DCC: variants seen among roughly 807,000 people sequenced by gnomAD.
DCC encodes the protein DCC netrin 1 receptor.
DCC carries 58 observed loss-of-function variants against 172.5 expected under a neutral mutation model. The ratio of observed to expected loss-of-function variants is 0.34; its 90% CI spans 0.27 to 0.42. The LOEUF is 0.42. DCC is among the 10% of genes least tolerant of loss of function. The pLI, the probability that DCC is intolerant of heterozygous loss-of-function variation, is 1.00. For missense variants in DCC, 1,740 were observed against 1,791.0 expected, an observed-to-expected ratio of 0.97 and a Z score of 0.51; for synonymous variants, 709 against 644.5, an observed-to-expected ratio of 1.10 and a Z score of -1.52.
At chr18:53,364,299 T>A (rs560528861) in intron 15 of DCC, among the ~76,000 whole-genome samples, 48 of 152,304 alleles carry the variant, frequency 3.2e-4, no homozygotes, top group African/African-American at 1.1e-3. Context: ...AGGTAAAGTA[T>A]ATAAAAGAAC....
chr18:52,608,093 CCTT>C (rs1490792865), intron 1 of DCC, among the ~76,000 whole-genome samples: 1 of 152,028 alleles, frequency 6.6e-6, no homozygotes, highest in Admixed American at 6.6e-5. Context: ...GCTCTATCTC[CCTT>C]CTTTTCTTTC....
intron 1 of DCC, among the ~76,000 whole-genome samples, chr18:52,621,713 C>T (rs1044452696): frequency 3.3e-5 from 5 of 152,162 alleles, no homozygotes; most frequent in Non-Finnish European, 5.9e-5. Context: ...GCAATTGATT[C>T]CCATCTGGAC....
intron 21 of DCC, among the ~76,000 whole-genome samples, chr18:53,432,321 C>T (rs942970731): frequency 6.6e-6 from 1 of 152,096 alleles, no homozygotes; most frequent in Non-Finnish European, 1.5e-5. Context: ...CCTGTCATGG[C>T]AGGATCCATG....
intron 1 of DCC, chr18:52,409,101 G>A (rs912401983): frequency 2.0e-5 from 3 of 152,096 alleles, no homozygotes; most frequent in African/African-American, 7.2e-5. Flanking sequence ...AGGAAAGGAT[G>A]CCAAGGAAAA....
At chr18:53,389,832 C>A (rs915799433) in intron 16 of DCC, among the ~76,000 whole-genome samples, 2 of 152,156 alleles carry the variant, frequency 1.3e-5, no homozygotes, top group Non-Finnish European at 2.9e-5. Flanking sequence ...ATTTCCATTT[C>A]TTGAAGAAGA....
intron 1 of DCC, among the ~76,000 whole-genome samples, chr18:52,560,783 TG>T (rs2033018321): frequency 6.6e-6 from 1 of 152,208 alleles, no homozygotes; most frequent in African/African-American, 2.4e-5. Flanking sequence ...TTTATTTGGA[TG>T]TGAGAATGTG....
chr18:52,510,449 C>T (rs1190687005), intron 1 of DCC, among the ~76,000 whole-genome samples: 1 of 152,168 alleles, frequency 6.6e-6, no homozygotes, highest in South Asian at 2.1e-4. Context: ...CCTTGCCTAA[C>T]TTAACTGATG....
intron 11 of DCC, among the ~76,000 whole-genome samples, 154 bp from the exon 12 acceptor site, chr18:53,215,394 T>C (rs1173788567): frequency 1.3e-5 from 2 of 152,100 alleles, no homozygotes; most frequent in African/African-American, 2.4e-5. Flanking sequence ...ATTTTTCATC[T>C]CTCCAAAAAT....
intron 1 of DCC, among the ~76,000 whole-genome samples, chr18:52,610,227 A>ATATAT (rs2034245608): frequency 2.1e-5 from 2 of 96,188 alleles, no homozygotes; most frequent in African/African-American, 4.2e-5. Context: ...ATATATATAT[A>ATATAT]AAATTAGCCA....
At chr18:52,797,714 T>A (rs1270506348) in intron 2 of DCC, among the ~76,000 whole-genome samples, 1 of 152,184 alleles carries the variant, frequency 6.6e-6, no homozygotes, top group Non-Finnish European at 1.5e-5. Flanking sequence ...TAGGTTGAAC[T>A]TATACTCTGC....
At chr18:53,138,748 A>T (rs902410799) in intron 7 of DCC, among the ~76,000 whole-genome samples, 1 of 152,224 alleles carries the variant, frequency 6.6e-6, no homozygotes, top group Non-Finnish European at 1.5e-5. Flanking sequence ...GACACTAACA[A>T]TATACCCTTG....
chr18:52,862,179 A>G (rs2039154004), intron 2 of DCC, among the ~76,000 whole-genome samples: 1 of 152,162 alleles, frequency 6.6e-6, no homozygotes, highest in African/African-American at 2.4e-5. Flanking sequence ...TACCAGATAA[A>G]CCTCGTATGT....
intron 1 of DCC, among the ~76,000 whole-genome samples, chr18:52,749,841 A>G (rs2036967605): frequency 1.3e-5 from 2 of 152,238 alleles, no homozygotes; most frequent in African/African-American, 2.4e-5. Flanking sequence ...CAAAAAAGCA[A>G]TACATGCTTT....
At chr18:53,484,122 ACTT>A (rs1326085767) in intron 25 of DCC, among the ~76,000 whole-genome samples, 3 of 151,776 alleles carry the variant, frequency 2.0e-5, no homozygotes, top group Non-Finnish European at 1.5e-5. Context: ...TCACATTGTG[ACTT>A]CTTATTCTGT....
intron 1 of DCC, among the ~76,000 whole-genome samples, chr18:52,645,360 C>A (rs1468949102): frequency 2.6e-5 from 4 of 151,850 alleles, no homozygotes; most frequent in Non-Finnish European, 5.9e-5. Context: ...TTGACATAAA[C>A]CACCTAACTA....
chr18:53,356,601 C>A (rs1366455130), intron 15 of DCC, among the ~76,000 whole-genome samples: 1 of 152,054 alleles, frequency 6.6e-6, no homozygotes, highest in Admixed American at 6.6e-5. Flanking sequence ...TCCATCTGGC[C>A]GGATGGAGTC....
chr18:52,917,478 A>G (rs116617454), intron 3 of DCC, among the ~76,000 whole-genome samples: 1 of 152,204 alleles, frequency 6.6e-6, no homozygotes, highest in African/African-American at 2.4e-5. Flanking sequence ...CTGAGACCCA[A>G]CAGTTTGGGA....
In DCC at chr18:52,835,205, GGTT is replaced by G. The variant is rs554341861; in HGVS notation, c.413-70834_413-70832del. Among the ~76,000 whole-genome samples, 13 of 152,216 alleles carry G rather than the reference GGTT, an allele frequency of 8.5e-5. 1 individual carries two copies. In the South Asian group the frequency reaches 2.5e-3, roughly 29 times the overall value. On this transcript the variant is annotated intron_variant, in intron 2 of 28. Coordinates refer to ENST00000442544, the MANE Select transcript of DCC (RefSeq NM_005215.4). Reference sequence around the variant, plus strand: ...TGCCACGTATGGCCATGGATAAACTGGTTGTTGCCATAAATCCTGAAAGAAATT... The same window carrying G: ...TGCCACGTATGGCCATGGATAAACTGGTTGCCATAAATCCTGAAAGAAATT...
chr18:53,368,566 A>G (rs989162390), intron 15 of DCC, among the ~76,000 whole-genome samples: 1 of 152,052 alleles, frequency 6.6e-6, no homozygotes, highest in East Asian at 1.9e-4. Context: ...TAAGAGTTTT[A>G]TAGTGTTACA....
Sources: allele counts gnomAD v4.1 joint callset (sites outside exome capture counted in the v4.1 genomes callset), GRCh38; gene constraint gnomAD v4.1.1; transcripts MANE v1.5; gene names NCBI Gene and HGNC (gene_info 2026-07-23, HGNC 2026-07-21).